The following LAX1 variants were observed in gnomAD, a reference collection of about 807,000 sequenced individuals.
The protein encoded by LAX1 is lymphocyte transmembrane adaptor 1, also known as lymphocyte transmembrane adapter 1.
In LAX1, 17 loss-of-function variants were observed where a neutral mutation model predicts 20.7. The observed-to-expected ratio is 0.82, with a 90% confidence interval of 0.56 to 1.23. The LOEUF (loss-of-function observed/expected upper bound fraction) is 1.23. Among genes scored for constraint, LAX1 ranks in the 50% most tolerant of loss-of-function variants. LAX1 has a pLI of 0.00. For synonymous variants in LAX1, 165 were observed against 181.0 expected, an observed-to-expected ratio of 0.91 and a Z score of 0.71; for missense variants, 470 against 487.0, an observed-to-expected ratio of 0.97 and a Z score of 0.33.
intron 2 of LAX1, 149 bp downstream of exon 2, chr1:203,771,086 A>T (rs1451282923): frequency 7.1e-6 from 5 of 700,388 alleles, no homozygotes; most frequent in Admixed American, 2.6e-5. Context: ...CTCACTCAAG[A>T]TCCTGAACTG....
chr1:203,774,760 C>T lies in LAX1; in HGVS notation c.*79C>T. 8.6e-7 allele frequency: 1 copy of T among 1,163,224 alleles called. No homozygotes were observed. 72.1% of individuals were successfully genotyped at this position (1,163,224 alleles called of 1,614,324 possible). On this transcript the variant is annotated 3_prime_UTR_variant, in exon 5 of 5. Coordinates refer to ENST00000442561, the MANE Select transcript of LAX1 (RefSeq NM_017773.4). The stretch of plus-strand genomic sequence containing the variant: ...GACTACTGCAGAGTCTAGTGCAGAC[C>T]CGTGATCACCTTAGTGCTTCAGTGG...
chr1:203,766,712 A>G (rs1280124446), intron 1 of LAX1, among the ~76,000 whole-genome samples: 1 of 152,244 alleles, frequency 6.6e-6, no homozygotes, highest in Non-Finnish European at 1.5e-5. Context: ...TACAATAGCT[A>G]CATTAAACTA....
chr1:203,774,694 C>A lies in LAX1; in HGVS notation c.*13C>A. The A allele has an allele frequency of 6.2e-7, 1 of 1,608,792 alleles. No individual in the cohort carries two copies. Among genetic ancestry groups the A allele is most frequent in the South Asian group, 1.1e-5 (1 of 90,446 alleles). ...TCCTGATGAATGAAGACCCAGGTACCCAGCCATAAAGCCACATTGAGTAGT... is the reference window on the plus strand; with the variant it reads ...TCCTGATGAATGAAGACCCAGGTACACAGCCATAAAGCCACATTGAGTAGT... On this transcript the variant is annotated 3_prime_UTR_variant, in exon 5 of 5. Coordinates refer to ENST00000442561, the MANE Select transcript of LAX1 (RefSeq NM_017773.4).
intron 1 of LAX1, among the ~76,000 whole-genome samples, chr1:203,766,317 T>A (rs942929916): frequency 1.3e-5 from 2 of 152,092 alleles, no homozygotes; most frequent in African/African-American, 4.8e-5. Flanking sequence ...AAACCCCGTT[T>A]CTACTAAAAA....
At chr1:203,769,463 G>GA (rs879430982) in intron 1 of LAX1, among the ~76,000 whole-genome samples, 38,396 of 108,598 alleles carry the variant, frequency 0.35, 6,294 homozygotes, top group Non-Finnish European at 0.46. Context: ...GAAAAGAAAA[G>GA]AAAGAAAGTT....
At chr1:203,766,149 A>T (rs1007169664) in intron 1 of LAX1, among the ~76,000 whole-genome samples, 6 of 152,220 alleles carry the variant, frequency 3.9e-5, no homozygotes, top group African/African-American at 1.4e-4. Context: ...ATACAAACAA[A>T]ATTAAAAATC....
intron 3 of LAX1, 39 bp from the exon 4 acceptor site, chr1:203,772,029 G>C: frequency 6.6e-7 from 1 of 1,508,794 alleles, no homozygotes; most frequent in Non-Finnish European, 9.2e-7. Context: ...AGCACTCAGA[G>C]GACTGGCTAT....
At chr1:203,769,218 A>C (rs1039381443) in intron 1 of LAX1, among the ~76,000 whole-genome samples, 10 of 151,730 alleles carry the variant, frequency 6.6e-5, no homozygotes, top group Admixed American at 5.9e-4. Context: ...GTGAAATCCC[A>C]TCTCTAATAA....
In LAX1 at chr1:203,773,924, C is replaced by A. The variant is rs141167595; in HGVS notation, c.440C>A (p.Ala147Asp). 1 of 1,613,884 alleles carries A rather than the reference C, an allele frequency of 6.2e-7. No homozygotes were observed. The change falls in exon 5 of 5, where the codon GCC (alanine) becomes GAC (aspartate). Residue 147 changes from alanine to aspartate, a missense_variant. By Grantham distance (126) the Ala-to-Asp change is moderately radical. Transcript: ENST00000442561. ...AFQEHTAHIH[A>D]TEYAVGIYDN... ...CAGGAGCATACAGCCCACATCCATG[C>A]CACAGAGTACGCGGTGGGTATCTAT...
chr1:203,773,931 G>A lies in LAX1; in HGVS notation c.447G>A (p.Glu149=). 1 of 1,613,964 alleles carries A rather than the reference G, an allele frequency of 6.2e-7. No individual in the cohort carries two copies. The highest frequency in any genetic ancestry group is 8.5e-7 in the Non-Finnish European group (1 of 1,179,984). ...ATACAGCCCACATCCATGCCACAGA[G>A]TACGCGGTGGGTATCTATGACAACG... The part of the protein sequence containing the change: ...QEHTAHIHAT[E]YAVGIYDNAM... Residue 149 remains glutamate, a synonymous_variant, in exon 5 of 5, where the codon GAG becomes GAA. Coordinates refer to ENST00000442561, the MANE Select transcript of LAX1 (RefSeq NM_017773.4).
chr1:203,767,590 G>A (rs1667326546), intron 1 of LAX1, among the ~76,000 whole-genome samples: 1 of 152,048 alleles, frequency 6.6e-6, no homozygotes, highest in African/African-American at 2.4e-5. Flanking sequence ...TTACAGACAT[G>A]AGCCACCATG....
rs755935012 is a variant in LAX1 at position 203,773,976 on chromosome 1, T to G, written c.492T>G (p.Cys164Trp). 7 of 1,613,750 alleles carry G rather than the reference T, an allele frequency of 4.3e-6. No homozygotes were observed. The East Asian group carries it at 1.3e-4, about 31-fold the overall frequency. Residue 164 changes from cysteine to tryptophan, a missense_variant, in exon 5 of 5, where the codon TGT becomes TGG. Transcript: ENST00000442561. ...ACAACGCCATGGTCCCCCAGATGTG[T>G]GGGAACCTCACTCCCTCGGCACACT... Reference protein sequence around the residue: ...IYDNAMVPQMCGNLTPSAHCI... With the variant: ...IYDNAMVPQMWGNLTPSAHCI...
At position 203,775,944 on chromosome 1, in the gene LAX1, G is replaced by C. The variant is rs1341076669; in HGVS notation, c.*1263G>C. The C allele has an allele frequency of 6.6e-6, 1 of 152,266 alleles. No individual in the cohort carries two copies. Among genetic ancestry groups the C allele is most frequent in the Non-Finnish European group, 1.5e-5 (1 of 68,140 alleles). 9.4% of individuals were successfully genotyped at this position (152,266 alleles called of 1,614,324 possible). The stretch of plus-strand genomic sequence containing the variant: ...GAGGGAAGTTTGCTACAAAGGGGCT[G>C]CAAAGGGAATAGGCTGATGGAGCTG... On this transcript the variant is annotated 3_prime_UTR_variant, in exon 5 of 5. Transcript: ENST00000442561.
In LAX1 at chr1:203,774,541, CAG is replaced by C. The variant is rs755209529; in HGVS notation, c.1060_1061del (p.Ser354Ter). On this transcript the variant is annotated frameshift_variant, in exon 5 of 5. Transcript: ENST00000442561. LOFTEE classifies it low-confidence loss of function (END_TRUNC). Reference protein sequence around the residue: ...GDYADFQPFTQSEDSQMKHRE... With the variant: ...GDYADFQPFTXSEDSQMKHRE... Reference sequence around the variant, plus strand: ...TTATGCAGACTTTCAGCCATTCACACAGAGTGAGGACAGTCAGATGAAACATA... The same window carrying C: ...TTATGCAGACTTTCAGCCATTCACACAGTGAGGACAGTCAGATGAAACATA... 6.2e-7 allele frequency: 1 copy of C among 1,614,152 alleles called. No homozygotes were observed. Among genetic ancestry groups the C allele is most frequent in the East Asian group, 2.2e-5 (1 of 44,886 alleles).
chr1:203,769,444 G>GAAAGAAAGGAAGAAA (rs1553254225), intron 1 of LAX1, among the ~76,000 whole-genome samples: 3 of 133,506 alleles, frequency 2.2e-5, no homozygotes, highest in African/African-American at 8.7e-5. Context: ...AAAGAAAGAA[G>GAAAGAAAGGAAGAAA]GAAAGAAAGA....
intron 4 of LAX1, among the ~76,000 whole-genome samples, chr1:203,773,369 G>A (rs368838136): frequency 2.0e-5 from 3 of 152,046 alleles, no homozygotes; most frequent in Non-Finnish European, 2.9e-5. Context: ...CGGGAGAATC[G>A]ATTGAACACG....
chr1:203,770,490 GAAGGAAGGAAGGAAGGAAGGAAGAAAGA>G (rs1558070795), intron 1 of LAX1, among the ~76,000 whole-genome samples: 6 of 52,356 alleles, frequency 1.1e-4, no homozygotes, highest in African/African-American at 3.4e-4. Flanking sequence ...AGGAAGGAAG[GAAGGAAGGAAGGAAGGAAGGAAGAAAGA>G]AAGAAAGAAA....
chr1:203,771,519 C>T (rs141780255), intron 3 of LAX1, 42 bp downstream of exon 3: 1 of 1,178,892 alleles, frequency 8.5e-7, no homozygotes, highest in Non-Finnish European at 1.3e-6. Flanking sequence ...GATATTCGAA[C>T]TTCTACTCCC....
At chr1:203,773,603 A>G (rs1667455298) in intron 4 of LAX1, among the ~76,000 whole-genome samples, 1 of 151,052 alleles carries the variant, frequency 6.6e-6, no homozygotes, top group Admixed American at 6.6e-5. Context: ...CCTTTAGTCT[A>G]AGCCTCACCT....
Sources: gnomAD v4.1 joint callset for allele counts (sites outside exome capture counted in the v4.1 genomes callset) on GRCh38, gnomAD v4.1.1 for gene constraint, MANE v1.5 for transcripts, NCBI Gene and HGNC (gene_info 2026-07-23, HGNC 2026-07-21) for gene names.